The following UTRN variants were observed in gnomAD, a reference collection of about 807,000 sequenced individuals.
UTRN encodes utrophin.
In UTRN, 283 loss-of-function variants were observed where a neutral mutation model predicts 463.9. The observed-to-expected ratio is 0.61, with a 90% CI of 0.55 to 0.67. The LOEUF is 0.67. Among genes scored for constraint, UTRN ranks in the 30% least tolerant of loss-of-function variants. The pLI is 0.00. For missense variants in UTRN, 3,922 were observed against 4,084.3 expected (o/e 0.96, Z 1.08); for synonymous variants, 1,442 against 1,431.5 (o/e 1.01, Z -0.17).
intron 2 of UTRN, among the ~76,000 whole-genome samples, chr6:144,375,567 CTTTG>C (rs1036220903): frequency 2.0e-5 from 3 of 152,070 alleles, no homozygotes; most frequent in Admixed American, 6.5e-5. Context: ...TTTCCAGGCT[CTTTG>C]TTTGGATATG....
chr6:144,509,819 A>C (rs1395890022), intron 34 of UTRN, among the ~76,000 whole-genome samples: 1 of 152,134 alleles, frequency 6.6e-6, no homozygotes, highest in African/African-American at 2.4e-5. Flanking sequence ...AAGTATGTGT[A>C]CTATTTAGAT....
intron 2 of UTRN, among the ~76,000 whole-genome samples, chr6:144,334,318 G>A (rs1037718863): frequency 1.3e-5 from 2 of 151,324 alleles, no homozygotes; most frequent in Non-Finnish European, 2.9e-5. Flanking sequence ...GTGTGTTTGG[G>A]GGGGGTGGGG....
rs149911545 is a variant in UTRN, at chr6:144,461,374, C to T, written c.2853+32C>T. 1.3e-3 allele frequency: 1,835 copies of T among 1,450,732 alleles called. 18 individuals carry two copies. In the African/African-American group the frequency reaches 0.021, roughly 16 times the overall value. 89.9% of individuals were successfully genotyped at this position (1,450,732 alleles called of 1,614,324 possible). A position where few individuals can be genotyped will look rare whatever the true frequency, so the allele number is the denominator to read the frequency against. ...TATATCTTCCATGTTAGAACTCTAG[C>T]GCTTCTTCTAATATCTCCTCTTACA... On this transcript the variant is annotated intron_variant, in intron 22 of 74. Transcript: ENST00000367545.
intron 2 of UTRN, among the ~76,000 whole-genome samples, chr6:144,314,291 C>T (rs780776692): frequency 6.6e-5 from 10 of 152,144 alleles, no homozygotes; most frequent in East Asian, 1.9e-4. Context: ...TGAAGTAGGG[C>T]GCAGGCCTGG....
intron 2 of UTRN, among the ~76,000 whole-genome samples, chr6:144,334,319 G>A (rs1175284944): frequency 1.3e-5 from 2 of 151,322 alleles, no homozygotes; most frequent in Non-Finnish European, 2.9e-5. Flanking sequence ...TGTGTTTGGG[G>A]GGGGTGGGGG....
intron 9 of UTRN, among the ~76,000 whole-genome samples, chr6:144,435,037 G>C (rs1786398446): frequency 6.6e-6 from 1 of 152,202 alleles, no homozygotes; most frequent in East Asian, 1.9e-4. Flanking sequence ...GATGACATTG[G>C]TAAAAGCCTT....
chr6:144,599,272 A>G (rs1803982596), intron 51 of UTRN, among the ~76,000 whole-genome samples: 3 of 152,210 alleles, frequency 2.0e-5, no homozygotes, highest in Non-Finnish European at 4.4e-5. Flanking sequence ...GAAGAAAGTG[A>G]GGAAGAGTAC....
Position 144,577,158 on chromosome 6 carries a change from G to A in UTRN, c.7349G>A (p.Arg2450Lys). 1 of 1,614,012 alleles carries A rather than the reference G, an allele frequency of 6.2e-7. No individual in the cohort carries two copies. ...TGGAGGACGGTGCAGGCCTCTCGCA[G>A]AGATCTGGAAAACTTCCTGAAGTGG... is the stretch of plus-strand genomic sequence containing the variant. ...AEWRTVQASR[R>K]DLENFLKWIQ... Residue 2450 changes from arginine (R) to lysine (K), a missense_variant, in exon 51 of 75, where the codon AGA (arginine) becomes AAA (lysine). Transcript: ENST00000367545.
At chr6:144,404,237 A>G (rs181165117) in intron 3 of UTRN, among the ~76,000 whole-genome samples, 1 of 152,296 alleles carries the variant, frequency 6.6e-6, no homozygotes, top group Admixed American at 6.5e-5. Context: ...CAACTTTGAC[A>G]GAGGGTTAAA....
At chr6:144,489,599 A>ATAT (rs927620709) in intron 30 of UTRN, among the ~76,000 whole-genome samples, 4 of 152,012 alleles carry the variant, frequency 2.6e-5, no homozygotes, top group African/African-American at 7.2e-5. Context: ...GCAGTGGGCC[A>ATAT]TATTATTATT....
At chr6:144,790,803 A>G (rs1053065241) in intron 62 of UTRN, among the ~76,000 whole-genome samples, 3 of 152,210 alleles carry the variant, frequency 2.0e-5, no homozygotes, top group Non-Finnish European at 2.9e-5. Flanking sequence ...ATTTTTTATC[A>G]TCTCTGATTT....
chr6:144,600,846 G>A (rs966864945), intron 51 of UTRN, among the ~76,000 whole-genome samples: 2 of 152,152 alleles, frequency 1.3e-5, no homozygotes, highest in Admixed American at 6.5e-5. Flanking sequence ...GCTTAACTTC[G>A]AAGCTTCAAA....
At chr6:144,532,055 T>C (rs975943782) in intron 42 of UTRN, among the ~76,000 whole-genome samples, 1 of 152,122 alleles carries the variant, frequency 6.6e-6, no homozygotes, top group African/African-American at 2.4e-5. Flanking sequence ...GAGAATTGCT[T>C]GAACCTGGGA....
At chr6:144,578,389 T>C (rs1011926935) in intron 51 of UTRN, among the ~76,000 whole-genome samples, 7 of 152,126 alleles carry the variant, frequency 4.6e-5, no homozygotes, top group Non-Finnish European at 1.0e-4. Context: ...GGCTGGAGTG[T>C]AGTGGTGCAA....
intron 53 of UTRN, among the ~76,000 whole-genome samples, chr6:144,703,719 G>A (rs1429514720): frequency 6.6e-6 from 1 of 152,170 alleles, no homozygotes; most frequent in East Asian, 1.9e-4. Flanking sequence ...CCATCTTGTT[G>A]ACCTTGGACA....
At position 144,446,210 on chromosome 6, in the gene UTRN, G is replaced by A. The variant is rs188355304; in HGVS notation, c.1615-1001G>A. 1.5e-3 allele frequency among the ~76,000 whole-genome samples: 227 copies of A among 152,034 alleles called. 1 individual carries two copies. The highest frequency in any genetic ancestry group is 2.8e-3 in the Non-Finnish European group (188 of 67,982). On this transcript the variant is annotated intron_variant, in intron 14 of 74. Transcript: ENST00000367545. ...ATTTCAGTCACTTGTACCACTTTAG[G>A]TTTTAAACTGACCTTTCATCGTGTT...
chr6:144,313,424 CA>C (rs749400941), intron 2 of UTRN, among the ~76,000 whole-genome samples: 6 of 151,850 alleles, frequency 4.0e-5, no homozygotes, highest in Non-Finnish European at 7.4e-5. Flanking sequence ...GCTTTGATCA[CA>C]ATTTCATGGG....
intron 65 of UTRN, among the ~76,000 whole-genome samples, chr6:144,804,459 C>G (rs1310474971): frequency 6.6e-6 from 1 of 152,118 alleles, no homozygotes; most frequent in Non-Finnish European, 1.5e-5. Context: ...AAACCAGACA[C>G]TAGTTAAAGT....
At chr6:144,759,956 T>A (rs1255489354) in intron 58 of UTRN, among the ~76,000 whole-genome samples, 1 of 152,172 alleles carries the variant, frequency 6.6e-6, no homozygotes, top group South Asian at 2.1e-4. Flanking sequence ...GAGTCTTTTA[T>A]CATCTGATTT....
Sources: gnomAD v4.1 joint callset for allele counts (sites outside exome capture counted in the v4.1 genomes callset) on GRCh38, gnomAD v4.1.1 for gene constraint, MANE v1.5 for transcripts, NCBI Gene and HGNC (gene_info 2026-07-23, HGNC 2026-07-21) for gene names.